CPLX3: variants seen among roughly 807,000 people sequenced by gnomAD.
CPLX3 encodes the protein complexin 3.
A neutral mutation model predicts 17.2 loss-of-function variants in CPLX3; 12 were observed. That is an observed-to-expected ratio of 0.70 (90% confidence interval 0.45 to 1.13). The LOEUF is 1.13. CPLX3 is among the 50% of genes most tolerant of loss of function. CPLX3 has a pLI of 0.00. For synonymous variants in CPLX3, 75 were observed against 79.4 expected, an observed-to-expected ratio of 0.94 and a Z score of 0.29; for missense variants, 172 against 203.2, an observed-to-expected ratio of 0.85 and a Z score of 0.93.
rs116662070 is a variant in CPLX3, at chr15:74,829,732, C to G, written c.253-398C>G. On this transcript the variant is annotated intron_variant, in intron 2 of 2. Coordinates refer to ENST00000395018, the MANE Select transcript of CPLX3 (RefSeq NM_001030005.3). The stretch of plus-strand genomic sequence containing the variant: ...TGACTCATAGGTATTTTCATTTTGT[C>G]TTTACTCACTGTGCTGGTCCTTCAG... Among the ~76,000 whole-genome samples, 459 of 152,234 alleles carry G rather than the reference C, an allele frequency of 3.0e-3. 1 individual carries two copies. The highest frequency in any genetic ancestry group is 0.011 in the African/African-American group (441 of 41,546).
chr15:74,830,504 C>T lies in CPLX3; in HGVS notation c.*150C>T. On this transcript the variant is annotated 3_prime_UTR_variant, in exon 3 of 3. Transcript: ENST00000395018. ...CCCATCCATGCCCCAAGCCTATCTT[C>T]TGGTTTCTTCCTCTCCGCTGGGAGT... The T allele has an allele frequency of 1.5e-6, 1 of 656,770 alleles. No homozygotes were observed. Among genetic ancestry groups the T allele is most frequent in the East Asian group, 2.7e-5 (1 of 36,472 alleles). 40.7% of individuals were successfully genotyped at this position (656,770 alleles called of 1,614,324 possible). A position where few individuals can be genotyped will look rare whatever the true frequency, so the allele number is the denominator to read the frequency against.
In CPLX3 at chr15:74,826,914, C is replaced by A; in HGVS notation, c.164+47C>A. 6.5e-7 allele frequency: 1 copy of A among 1,544,788 alleles called. No homozygotes were observed. The highest frequency in any genetic ancestry group is 8.8e-7 in the Non-Finnish European group (1 of 1,134,750). ...CTCCAACGACCTCCCCTCCCCACCC[C>A]CACAGCTGCTCAGTCCATCCCCGGG... On this transcript the variant is annotated intron_variant, in intron 1 of 2. Coordinates refer to ENST00000395018, the MANE Select transcript of CPLX3 (RefSeq NM_001030005.3). The surrounding 1 kb of genome is among the most constrained non-coding windows in gnomAD (Gnocchi z 5.0).
Position 74,826,778 on chromosome 15 carries a change from T to C in CPLX3, c.75T>C (p.Asp25=), listed in dbSNP as rs1800473542. 3 of 1,607,154 alleles carry C rather than the reference T, an allele frequency of 1.9e-6. No homozygotes were observed. Among genetic ancestry groups the C allele is most frequent in the East Asian group, 2.3e-5 (1 of 43,618 alleles). ...NLTGSLGGGE[D]KGDGDKSAAE... is the part of the protein sequence containing the mutation. ...CTGGGAGCCTGGGAGGCGGCGAGGA[T>C]AAGGGAGATGGGGACAAGTCGGCAG... Residue 25 remains aspartate, a synonymous_variant, in exon 1 of 3, where the codon GAT becomes GAC. Coordinates refer to ENST00000395018, the MANE Select transcript of CPLX3 (RefSeq NM_001030005.3). The surrounding 1 kb of genome is among the most constrained non-coding windows in gnomAD (Gnocchi z 5.0).
At position 74,831,717 on chromosome 15, in the gene CPLX3, A is replaced by G. The variant is rs1002802863; in HGVS notation, c.*1363A>G. Reference sequence around the variant, plus strand: ...TGAACAGTCCCCCTCTCCCCCAAATAGTAATAATACATGTTTCAAAGGGTG... The same window carrying G: ...TGAACAGTCCCCCTCTCCCCCAAATGGTAATAATACATGTTTCAAAGGGTG... On this transcript the variant is annotated 3_prime_UTR_variant, in exon 3 of 3. Coordinates refer to ENST00000395018, the MANE Select transcript of CPLX3 (RefSeq NM_001030005.3). 3.3e-5 allele frequency: 5 copies of G among 152,232 alleles called. No individual in the cohort carries two copies. Among genetic ancestry groups the G allele is most frequent in the Admixed American group, 1.3e-4 (2 of 15,284 alleles). The allele number at this position is 152,232 out of a possible 1,614,324, so 9.4% of individuals were successfully genotyped here.
rs889512938 is a variant in CPLX3 at position 74,830,366 on chromosome 15, G to T, written c.*12G>T. The T allele has an allele frequency of 3.7e-6, 6 of 1,605,420 alleles. No homozygotes were observed. Among genetic ancestry groups the T allele is most frequent in the Non-Finnish European group, 5.1e-6 (6 of 1,175,164 alleles). On this transcript the variant is annotated 3_prime_UTR_variant, in exon 3 of 3. Coordinates refer to ENST00000395018, the MANE Select transcript of CPLX3 (RefSeq NM_001030005.3). ...GTCACGTCATGTGACCACTTCCCCG[G>T]GGTTACCCACTGGGCTGGGCCCCCA...
intron 2 of CPLX3, 116 bp from the exon 3 acceptor site, chr15:74,830,011 AAAG>A: frequency 1.4e-6 from 1 of 740,284 alleles, no homozygotes; most frequent in East Asian, 2.7e-5. Flanking sequence ...AAAAAAAAAA[AAAG>A]AAAAAATAGA....
rs1053584765 is a variant in CPLX3, at chr15:74,831,603, G to A, written c.*1249G>A. 2 of 152,160 alleles carry A rather than the reference G, an allele frequency of 1.3e-5. No individual in the cohort carries two copies. Among genetic ancestry groups the A allele is most frequent in the African/African-American group, 4.8e-5 (2 of 41,400 alleles). The allele number at this position is 152,160 out of a possible 1,614,324, so 9.4% of individuals were successfully genotyped here. A position where few individuals can be genotyped will look rare whatever the true frequency, so the allele number is the denominator to read the frequency against. On this transcript the variant is annotated 3_prime_UTR_variant, in exon 3 of 3. Coordinates refer to ENST00000395018, the MANE Select transcript of CPLX3 (RefSeq NM_001030005.3). ...CGGAAGATGTGCAAAAAGAAAGAAG[G>A]AAGGGCAACTGCATTCCAGCCCCAC...
At position 74,826,713 on chromosome 15, in the gene CPLX3, A is replaced by G. The variant is rs2063944541; in HGVS notation, c.10A>G (p.Met4Val). The G allele has an allele frequency of 1.2e-6, 2 of 1,609,414 alleles. No homozygotes were observed. Among genetic ancestry groups the G allele is most frequent in the Non-Finnish European group, 1.7e-6 (2 of 1,178,022 alleles). The change falls in exon 1 of 3, where the codon ATG (methionine) becomes GTG (valine). Residue 4 changes from methionine (M) to valine (V), a missense_variant. By Grantham distance (21) the Met-to-Val change is conservative. Coordinates refer to ENST00000395018, the MANE Select transcript of CPLX3 (RefSeq NM_001030005.3). This position sits in a 1 kb window ranked among gnomAD's most constrained non-coding sequence, Gnocchi z 5.0. ...CCGGCCGGCGAAGACCATGGCGTTC[A>G]TGGTGAAGACCATGGTGGGCGGCCA... MAF[M>V]VKTMVGGQLK...
In CPLX3 at chr15:74,828,051, A is replaced by G. The variant is rs1182426423; in HGVS notation, c.182A>G (p.Gln61Arg). 1.2e-6 allele frequency: 2 copies of G among 1,607,680 alleles called. No individual in the cohort carries two copies. Among genetic ancestry groups the G allele is most frequent in the Non-Finnish European group, 1.7e-6 (2 of 1,176,988 alleles). The change falls in exon 2 of 3, where the codon CAG (glutamine) becomes CGG (arginine). Residue 61 changes from glutamine (Q) to arginine (R), a missense_variant. By Grantham distance (43) the Gln-to-Arg change is conservative. Coordinates refer to ENST00000395018, the MANE Select transcript of CPLX3 (RefSeq NM_001030005.3). ...CCCTGCAGGATGGAGCGGGATGCAC[A>G]GTTCACACAGAGGAAGGCAGAGCGG... Reference protein sequence around the residue: ...LVEEKMERDAQFTQRKAERAT... With the variant: ...LVEEKMERDARFTQRKAERAT...
At chr15:74,829,022 T>C (rs374851474) in intron 2 of CPLX3, among the ~76,000 whole-genome samples, 2 of 152,168 alleles carry the variant, frequency 1.3e-5, no homozygotes, top group East Asian at 3.8e-4. Flanking sequence ...CTGATTTTGA[T>C]CTTCCACTTG....
Position 74,830,150 on chromosome 15 carries a change from G to C in CPLX3, c.273G>C (p.Gln91His), listed in dbSNP as rs781040541. The C allele has an allele frequency of 2.5e-6, 4 of 1,613,888 alleles. No individual in the cohort carries two copies. Among genetic ancestry groups the C allele is most frequent in the East Asian group, 2.2e-5 (1 of 44,876 alleles). ...RLPKNETDES[Q>H]IQMAGGDVEL... is the part of the protein sequence containing the mutation. Reference sequence around the variant, plus strand: ...TTCAGAACGAGACAGATGAGAGCCAGATCCAGATGGCAGGTGGAGACGTGG... The same window carrying C: ...TTCAGAACGAGACAGATGAGAGCCACATCCAGATGGCAGGTGGAGACGTGG... The change falls in exon 3 of 3, where the codon CAG (glutamine) becomes CAC (histidine). Residue 91 changes from glutamine to histidine, a missense_variant. Coordinates refer to ENST00000395018, the MANE Select transcript of CPLX3 (RefSeq NM_001030005.3).
intron 2 of CPLX3, 86 bp from the exon 3 acceptor site, chr15:74,830,044 A>G (rs1214294330): frequency 1.0e-6 from 1 of 959,376 alleles, no homozygotes; most frequent in East Asian, 2.6e-5. Context: ...CCTGGAACCC[A>G]GTCCAAGCCT....
rs2063964316 is a variant in CPLX3 at position 74,830,499 on chromosome 15, AT to A, written c.*146del. ...CCTTTCCCATCCATGCCCCAAGCCT[AT>A]CTTCTGGTTTCTTCCTCTCCGCTGG... On this transcript the variant is annotated 3_prime_UTR_variant, in exon 3 of 3. Transcript: ENST00000395018. The A allele has an allele frequency of 5.9e-6, 4 of 672,886 alleles. No homozygotes were observed. In the Admixed American group the frequency reaches 1.1e-4, roughly 18 times the overall value. The allele number at this position is 672,886 out of a possible 1,614,324, so 41.7% of individuals were successfully genotyped here.
intron 2 of CPLX3, 83 bp downstream of exon 2, chr15:74,828,204 G>T: frequency 1.9e-6 from 2 of 1,063,884 alleles, no homozygotes; most frequent in Non-Finnish European, 2.8e-6. Flanking sequence ...GGGCACCACA[G>T]CCCTCAGCTA....
intron 2 of CPLX3, among the ~76,000 whole-genome samples, chr15:74,829,552 C>A (rs1165542428): frequency 6.6e-6 from 1 of 152,128 alleles, no homozygotes; most frequent in African/African-American, 2.4e-5. Context: ...ACCTACCTAC[C>A]TCACAGGGTT....
chr15:74,826,895 C>G lies in CPLX3; in HGVS notation c.164+28C>G. The G allele has an allele frequency of 6.3e-7, 1 of 1,586,040 alleles. No homozygotes were observed. The highest frequency in any genetic ancestry group is 1.1e-5 in the South Asian group (1 of 88,578). On this transcript the variant is annotated intron_variant, in intron 1 of 2. Transcript: ENST00000395018. This position sits in a 1 kb window ranked among gnomAD's most constrained non-coding sequence, Gnocchi z 5.0. ...GAGTGGGATCCCTTCCTGGCTCCAA[C>G]GACCTCCCCTCCCCACCCCCACAGC...
In CPLX3 at chr15:74,830,727, C is replaced by T. The variant is rs572991471; in HGVS notation, c.*373C>T. ...AGAGACAGAAGCCACAGATACATCC[C>T]GGCACAGACAGACACACACGAGGCC... On this transcript the variant is annotated 3_prime_UTR_variant, in exon 3 of 3. Coordinates refer to ENST00000395018, the MANE Select transcript of CPLX3 (RefSeq NM_001030005.3). 6 of 196,888 alleles carry T rather than the reference C, an allele frequency of 3.0e-5. No homozygotes were observed. In the South Asian group the frequency reaches 5.6e-4, roughly 19 times the overall value. The allele number at this position is 196,888 out of a possible 1,614,324, so 12.2% of individuals were successfully genotyped here. A position where few individuals can be genotyped will look rare whatever the true frequency, so the allele number is the denominator to read the frequency against.
chr15:74,827,896 G>A (rs1317031541), intron 1 of CPLX3, 138 bp from the exon 2 acceptor site: 15 of 671,124 alleles, frequency 2.2e-5, no homozygotes, highest in East Asian at 5.6e-5. Context: ...CTGGATGTCC[G>A]GGTTGGAGCG....
chr15:74,830,008 A>G, intron 2 of CPLX3, 122 bp from the exon 3 acceptor site: 2 of 732,524 alleles, frequency 2.7e-6, no homozygotes, highest in Non-Finnish European at 2.2e-6. Flanking sequence ...CAAAAAAAAA[A>G]AAAAAGAAAA....
Sources: allele counts gnomAD v4.1 joint callset (sites outside exome capture counted in the v4.1 genomes callset), GRCh38; gene constraint gnomAD v4.1.1; non-coding constraint Gnocchi (gnomAD v3.1); transcripts MANE v1.5; gene names NCBI Gene and HGNC (gene_info 2026-07-23, HGNC 2026-07-21).